The following BEND3 variants were observed in gnomAD, a reference collection of about 807,000 sequenced individuals.
BEND3 encodes the protein BEN domain containing 3, also known as BEN domain-containing protein 3.
Under a neutral mutation model 60.1 loss-of-function variants are expected in BEND3, and 13 were observed. The ratio of observed to expected loss-of-function variants is 0.22; its 90% CI spans 0.14 to 0.34. The LOEUF is 0.34. Among genes scored for constraint, BEND3 ranks in the 10% least tolerant of loss-of-function variants. The pLI, the probability that BEND3 is intolerant of heterozygous loss-of-function variation, is 1.00. For missense variants in BEND3, 896 were observed against 1,138.1 expected (o/e 0.79, Z 3.06); for synonymous variants, 497 against 491.5 (o/e 1.01, Z -0.15).
Position 107,085,729 on chromosome 6 carries a change from G to A in BEND3, c.240+12822C>T, listed in dbSNP as rs531385268. Among the ~76,000 whole-genome samples the A allele has an allele frequency of 2.7e-5, 4 of 150,318 alleles. No individual in the cohort carries two copies. In the East Asian group the frequency reaches 7.9e-4, roughly 30 times the overall value. ...GATGGTCTCGATTTCCCGACCTCAT[G>A]ATCCACCTGCCTCAGCCTCCCAAAG... On this transcript the variant is annotated intron_variant, in intron 3 of 3. Coordinates refer to ENST00000369042, the MANE Select transcript of BEND3 (RefSeq NM_001367314.1).
At chr6:107,099,194 C>T (rs1775652926) in intron 2 of BEND3, 55 bp downstream of exon 2, 2 of 1,401,158 alleles carry the variant, frequency 1.4e-6, no homozygotes, top group South Asian at 2.3e-5. Flanking sequence ...AATGTATGAC[C>T]TGATCAAAAG....
intron 3 of BEND3, among the ~76,000 whole-genome samples, chr6:107,093,732 A>C (rs1346262730): frequency 6.6e-6 from 1 of 152,206 alleles, no homozygotes; most frequent in Non-Finnish European, 1.5e-5. Context: ...ACCCTTTACA[A>C]AAATCAACTC....
intron 2 of BEND3, 60 bp downstream of exon 2, chr6:107,099,189 A>T: frequency 7.4e-7 from 1 of 1,356,142 alleles, no homozygotes. Flanking sequence ...ATGTGAATGT[A>T]TGACCTGATC....
At chr6:107,106,885 G>A (rs1775826607) in intron 1 of BEND3, among the ~76,000 whole-genome samples, 1 of 151,492 alleles carries the variant, frequency 6.6e-6, no homozygotes, top group Admixed American at 6.6e-5. Context: ...TGGGATTTCA[G>A]ATGCAAGCCA....
chr6:107,102,367 T>G (rs1399767709), intron 1 of BEND3, among the ~76,000 whole-genome samples: 4 of 152,172 alleles, frequency 2.6e-5, no homozygotes, highest in Non-Finnish European at 5.9e-5. Flanking sequence ...GAGGCTATTT[T>G]CTGAACCACC....
chr6:107,103,107 GA>G (rs1775734910), intron 1 of BEND3, among the ~76,000 whole-genome samples: 1 of 152,126 alleles, frequency 6.6e-6, no homozygotes, highest in Admixed American at 6.5e-5. Context: ...TAGCACTCTG[GA>G]AAGTCAGTCT....
intron 3 of BEND3, among the ~76,000 whole-genome samples, chr6:107,092,319 C>T (rs71574228): frequency 1.3e-5 from 2 of 151,830 alleles, no homozygotes; most frequent in Middle Eastern, 6.5e-3. Flanking sequence ...CAAAGGGGTT[C>T]ATCATTTAAA....
chr6:107,082,708 C>G (rs1252154305), intron 3 of BEND3, among the ~76,000 whole-genome samples: 1 of 152,152 alleles, frequency 6.6e-6, no homozygotes, highest in East Asian at 1.9e-4. Flanking sequence ...GGATTACAGG[C>G]GTGAGCAACC....
intron 1 of BEND3, among the ~76,000 whole-genome samples, chr6:107,105,085 A>G (rs1554237217): frequency 6.6e-6 from 1 of 151,944 alleles, no homozygotes. Flanking sequence ...TAAAAAGTCC[A>G]CTGTTGGCTG....
chr6:107,080,532 C>CT (rs1554233403), intron 3 of BEND3, among the ~76,000 whole-genome samples: 1 of 152,004 alleles, frequency 6.6e-6, no homozygotes, highest in Non-Finnish European at 1.5e-5. Flanking sequence ...AAGACTAGTA[C>CT]TTTTTTGAAA....
In BEND3 at chr6:107,088,478, G is replaced by T. The variant is rs149898067; in HGVS notation, c.240+10073C>A. 4.1e-4 allele frequency among the ~76,000 whole-genome samples: 63 copies of T among 152,114 alleles called. 1 individual carries two copies. Among genetic ancestry groups the T allele is most frequent in the Non-Finnish European group, 4.0e-4 (27 of 67,992 alleles). On this transcript the variant is annotated intron_variant, in intron 3 of 3. Transcript: ENST00000369042. ...AAGATACCAAACCACAGATCTAAGA[G>T]GTTCAGAGAATAGCAAACATGATAC...
chr6:107,113,533 AGCAGCAACTGGCGC>A (rs1317072182), intron 1 of BEND3, among the ~76,000 whole-genome samples: 1 of 151,682 alleles, frequency 6.6e-6, no homozygotes, highest in Admixed American at 6.6e-5. Flanking sequence ...CTAACCCAGC[AGCAGCAACTGGCGC>A]TCTGGCTCCA....
intron 3 of BEND3, among the ~76,000 whole-genome samples, chr6:107,076,389 T>C (rs925920747): frequency 6.6e-6 from 1 of 152,188 alleles, no homozygotes; most frequent in Admixed American, 6.5e-5. Flanking sequence ...GCCCGGATCT[T>C]GATCAGGGCG....
In BEND3 at chr6:107,070,218, G is replaced by T; in HGVS notation, c.973C>A (p.Gln325Lys). 1 of 1,612,836 alleles carries T rather than the reference G, an allele frequency of 6.2e-7. No homozygotes were observed. Among genetic ancestry groups the T allele is most frequent in the Non-Finnish European group, 8.5e-7 (1 of 1,179,902 alleles). Residue 325 changes from glutamine (Q) to lysine (K), a missense_variant, in exon 4 of 4, where the codon CAG (glutamine) becomes AAG (lysine). Coordinates refer to ENST00000369042, the MANE Select transcript of BEND3 (RefSeq NM_001367314.1). This position sits in a 1 kb window ranked among gnomAD's most constrained non-coding sequence, Gnocchi z 6.9. Reference sequence around the variant, plus strand: ...TTCAGCTGGGGCAGGCACTCGGCCTGCCACACAGCCGTGTCCTTCACCGAG... The same window carrying T: ...TTCAGCTGGGGCAGGCACTCGGCCTTCCACACAGCCGTGTCCTTCACCGAG... The part of the protein sequence containing the change: ...YPSVKDTAVW[Q>K]AECLPQLNDF...
At chr6:107,087,480 C>T (rs1582655696) in intron 3 of BEND3, among the ~76,000 whole-genome samples, 3 of 151,852 alleles carry the variant, frequency 2.0e-5, no homozygotes, top group East Asian at 1.9e-4. Flanking sequence ...AGATGGTCGG[C>T]GAGGCGCAAG....
intron 3 of BEND3, among the ~76,000 whole-genome samples, chr6:107,079,290 G>A (rs1554233206): frequency 1.3e-5 from 2 of 152,174 alleles, no homozygotes. Context: ...TCTGCTGAGA[G>A]CTACTTCCAC....
Position 107,070,366 on chromosome 6 carries a change from G to T in BEND3, c.825C>A (p.Phe275Leu). ...DLACRLLVQL[F>L]PELFSDVDFS... ...AGTCCACGTCGCTGAAGAGCTCGGG[G>T]AAGAGCTGCACCAGCAAGCGGCAGG... The change falls in exon 4 of 4, where the codon TTC becomes TTA. Residue 275 changes from phenylalanine to leucine, a missense_variant. Transcript: ENST00000369042. This position sits in a 1 kb window ranked among gnomAD's most constrained non-coding sequence, Gnocchi z 6.9. 1 of 1,613,654 alleles carries T rather than the reference G, an allele frequency of 6.2e-7. No individual in the cohort carries two copies. The highest frequency in any genetic ancestry group is 8.5e-7 in the Non-Finnish European group (1 of 1,180,034).
At chr6:107,088,720 G>T (rs1415303015) in intron 3 of BEND3, among the ~76,000 whole-genome samples, 2 of 152,126 alleles carry the variant, frequency 1.3e-5, no homozygotes, top group Non-Finnish European at 2.9e-5. Flanking sequence ...AAAACTGCAG[G>T]ATACAAAAAC....
intron 3 of BEND3, among the ~76,000 whole-genome samples, chr6:107,085,414 G>C (rs1197144341): frequency 2.6e-5 from 4 of 152,190 alleles, no homozygotes; most frequent in Non-Finnish European, 4.4e-5. Flanking sequence ...TTCTGGCAGG[G>C]GGAGGGGAAA....
Sources: gnomAD v4.1 joint callset for allele counts (sites outside exome capture counted in the v4.1 genomes callset) on GRCh38, gnomAD v4.1.1 for gene constraint, Gnocchi (gnomAD v3.1) non-coding constraint, MANE v1.5 for transcripts, NCBI Gene and HGNC (gene_info 2026-07-23, HGNC 2026-07-21) for gene names.